The following AFG2A variants were observed in gnomAD, a reference collection of about 807,000 sequenced individuals.
AFG2A encodes the protein ATPase family gene 2 protein homolog A.
At chr4:123,032,611 T>C in the AFG2A span, among the ~76,000 whole-genome samples, 8 of 152,226 alleles carry the variant, frequency 5.3e-5, no homozygotes, top group African/African-American at 1.9e-4. Flanking sequence ...AGACGGGGTT[T>C]CACCATGTAG....
the AFG2A span, among the ~76,000 whole-genome samples, chr4:123,124,301 T>C: frequency 2.4e-3 from 364 of 152,254 alleles, 1 homozygote; most frequent in African/African-American, 8.5e-3. Context: ...TGGAATACTA[T>C]GCAGCCATAA....
the AFG2A span, among the ~76,000 whole-genome samples, chr4:123,155,296 C>T: frequency 6.6e-6 from 1 of 152,068 alleles, no homozygotes; most frequent in South Asian, 2.1e-4. Flanking sequence ...GTTGTCCAGG[C>T]TGGTCTTGAA....
chr4:123,229,233 T>G, the AFG2A span, among the ~76,000 whole-genome samples: 31 of 152,074 alleles, frequency 2.0e-4, no homozygotes, highest in African/African-American at 7.5e-4. Context: ...TCTGGGAGAT[T>G]AGGAAAGGCT....
At chr4:122,947,256 G>T in the AFG2A span, 1 of 1,607,382 alleles carries the variant, frequency 6.2e-7, no homozygotes, top group Non-Finnish European at 8.5e-7. Flanking sequence ...GACAAGTGTT[G>T]GTTCTTGGGG....
the AFG2A span, among the ~76,000 whole-genome samples, chr4:122,940,711 C>T: frequency 6.6e-6 from 1 of 152,030 alleles, no homozygotes; most frequent in Non-Finnish European, 1.5e-5. Context: ...CTTACCCATG[C>T]CTATGTCCTG....
chr4:123,096,775 G>T, the AFG2A span, among the ~76,000 whole-genome samples: 1 of 152,038 alleles, frequency 6.6e-6, no homozygotes, highest in African/African-American at 2.4e-5. Flanking sequence ...GAGAAAAATT[G>T]TGAAAGATAT....
chr4:123,217,547 A>C, the AFG2A span, among the ~76,000 whole-genome samples: 7 of 152,188 alleles, frequency 4.6e-5, no homozygotes, highest in African/African-American at 1.4e-4. Flanking sequence ...TCTTGGTTAA[A>C]AATAAAAAAG....
At chr4:123,085,861 GTTTT>G in the AFG2A span, among the ~76,000 whole-genome samples, 2 of 151,008 alleles carry the variant, frequency 1.3e-5, no homozygotes, top group East Asian at 1.9e-4. Flanking sequence ...AGTTTTTTGG[GTTTT>G]TTTGTTTGTT....
At chr4:122,938,493 T>C in the AFG2A span, among the ~76,000 whole-genome samples, 2 of 152,206 alleles carry the variant, frequency 1.3e-5, no homozygotes, top group African/African-American at 4.8e-5. Flanking sequence ...CCATGATGGA[T>C]TTATTTTGTG....
chr4:123,260,834 A>G, the AFG2A span, among the ~76,000 whole-genome samples: 1 of 152,216 alleles, frequency 6.6e-6, no homozygotes, highest in Non-Finnish European at 1.5e-5. Context: ...AGAGCAGCAC[A>G]GTACTTAGCA....
chr4:123,135,999 T>G, the AFG2A span, among the ~76,000 whole-genome samples: 1 of 152,092 alleles, frequency 6.6e-6, no homozygotes, highest in Non-Finnish European at 1.5e-5. Flanking sequence ...TACAATAGTA[T>G]GAAAAAATAA....
the AFG2A span, among the ~76,000 whole-genome samples, chr4:123,057,615 A>G: frequency 6.6e-6 from 1 of 152,200 alleles, no homozygotes; most frequent in Non-Finnish European, 1.5e-5. Flanking sequence ...AAAACTGTAA[A>G]CAAAACTGGA....
the AFG2A span, among the ~76,000 whole-genome samples, chr4:122,972,491 T>A: frequency 1.3e-5 from 2 of 151,874 alleles, no homozygotes; most frequent in African/African-American, 4.8e-5. Context: ...TTAGGTTTAA[T>A]TTCTTCTTTT....
chr4:123,230,598 C>G, the AFG2A span, among the ~76,000 whole-genome samples: 1 of 151,928 alleles, frequency 6.6e-6, no homozygotes. Flanking sequence ...TCCCCTGAAT[C>G]ATGAATTGAC....
the AFG2A span, among the ~76,000 whole-genome samples, chr4:123,178,637 A>G: frequency 6.6e-6 from 1 of 152,168 alleles, no homozygotes; most frequent in Non-Finnish European, 1.5e-5. Flanking sequence ...TTCTCTCTGA[A>G]TATGTAGAAA....
chr4:122,955,046 C>G, the AFG2A span, among the ~76,000 whole-genome samples: 3 of 152,146 alleles, frequency 2.0e-5, no homozygotes, highest in African/African-American at 7.2e-5. Context: ...AGTTGTGGTA[C>G]TGAGTCCGTG....
chr4:122,932,870 T>TGTAAGTTATACTGAGAGAGTGAA, the AFG2A span, among the ~76,000 whole-genome samples: 1 of 152,234 alleles, frequency 6.6e-6, no homozygotes, highest in Non-Finnish European at 1.5e-5. Flanking sequence ...AGAAATAATT[T>TGTAAGTTATACTGAGAGAGTGAA]GTAAGTTATA....
At chr4:122,930,113 T>C in the AFG2A span, among the ~76,000 whole-genome samples, 1 of 152,220 alleles carries the variant, frequency 6.6e-6, no homozygotes, top group South Asian at 2.1e-4. Context: ...AAGAACCTGA[T>C]TGTATATTTT....
chr4:123,235,704 C>T, the AFG2A span, among the ~76,000 whole-genome samples: 1 of 152,140 alleles, frequency 6.6e-6, no homozygotes, highest in South Asian at 2.1e-4. Context: ...TTGGACTTCA[C>T]CATGGAAGAA....
Sources: gnomAD v4.1 joint callset for allele counts (sites outside exome capture counted in the v4.1 genomes callset) on GRCh38, gnomAD v4.1.1 for gene constraint, MANE v1.5 for transcripts, NCBI Gene and HGNC (gene_info 2026-07-23, HGNC 2026-07-21) for gene names.